SIRT3: variants seen among roughly 807,000 people sequenced by gnomAD.
SIRT3 encodes the protein NAD-dependent protein deacetylase sirtuin-3, mitochondrial.
A neutral mutation model predicts 33.5 loss-of-function variants in SIRT3; 26 were observed. The observed-to-expected ratio is 0.78, with a 90% confidence interval of 0.57 to 1.08. The LOEUF is 1.08. Among genes scored for constraint, SIRT3 ranks in the 50% least tolerant of loss-of-function variants. The pLI is 0.00. For missense variants in SIRT3, 585 were observed against 530.1 expected (o/e 1.10, Z -1.02); for synonymous variants, 237 against 222.1 (o/e 1.07, Z -0.60).
At chr11:233,287 G>A (rs770093485) in intron 2 of SIRT3, 56 bp downstream of exon 2, 55 of 1,600,146 alleles carry the variant, frequency 3.4e-5, no homozygotes, top group Admixed American at 1.4e-4. Flanking sequence ...GGGCAGTGGG[G>A]AGGGCAGGAG....
chr11:232,210 T>G (rs546244957), intron 3 of SIRT3, among the ~76,000 whole-genome samples: 1 of 152,106 alleles, frequency 6.6e-6, no homozygotes, highest in African/African-American at 2.4e-5. Context: ...CTCCGCCTGC[T>G]GGGTTCAAGA....
At chr11:232,244 A>C (rs1238551514) in intron 3 of SIRT3, among the ~76,000 whole-genome samples, 3 of 151,934 alleles carry the variant, frequency 2.0e-5, no homozygotes, top group Admixed American at 2.0e-4. Flanking sequence ...CAGCCTCCCG[A>C]GTACCTGGGA....
intron 6 of SIRT3, among the ~76,000 whole-genome samples, chr11:217,713 C>A (rs1855852519): frequency 6.6e-6 from 1 of 152,246 alleles, no homozygotes; most frequent in Non-Finnish European, 1.5e-5. Flanking sequence ...CATGAGGCAG[C>A]CACAGCTGTG....
intron 4 of SIRT3, among the ~76,000 whole-genome samples, chr11:229,010 AGTG>A (rs1234148762): frequency 1.3e-5 from 2 of 152,264 alleles, no homozygotes; most frequent in African/African-American, 4.8e-5. Context: ...TCAGTGCTAC[AGTG>A]GGTTACCACC....
At chr11:231,305 G>A (rs11602248) in intron 3 of SIRT3, among the ~76,000 whole-genome samples, 24,152 of 151,952 alleles carry the variant, frequency 0.16, 2,448 homozygotes, top group Non-Finnish European at 0.22. Context: ...GCATGGTAGT[G>A]CATGCCCGTA....
rs749937002 is a variant in SIRT3 at position 236,151 on chromosome 11, G to A, written c.178C>T (p.Pro60Ser). 1.3e-6 allele frequency: 2 copies of A among 1,569,728 alleles called. No homozygotes were observed. The highest frequency in any genetic ancestry group is 1.8e-5 in the Admixed American group (1 of 54,070). Reference sequence around the variant, plus strand: ...TGCAAGGGGCGCGCCGGGTCCAAGGGCTCACCGCGGGCCCCATGGCTGCCT... The same window carrying A: ...TGCAAGGGGCGCGCCGGGTCCAAGGACTCACCGCGGGCCCCATGGCTGCCT... ...LRGSHGARGE[P>S]LDPARPLQRP... The change falls in exon 1 of 7, where the codon CCC becomes TCC. Residue 60 changes from proline (P) to serine (S), a missense_variant. Pro to Ser is a moderately conservative substitution (Grantham distance 74). Coordinates refer to ENST00000382743, the MANE Select transcript of SIRT3 (RefSeq NM_012239.6).
upstream of SIRT3, chr11:236,399 A>AC: frequency 5.4e-6 from 1 of 183,954 alleles, no homozygotes; most frequent in Admixed American, 3.8e-4. Flanking sequence ...TCCGCCTCCC[A>AC]CCCCCGCCCC....
At chr11:231,520 A>G (rs1858008668) in intron 3 of SIRT3, among the ~76,000 whole-genome samples, 1 of 152,252 alleles carries the variant, frequency 6.6e-6, no homozygotes, top group South Asian at 2.1e-4. Flanking sequence ...CATAAATTCC[A>G]AAAGAATTGC....
Position 236,115 on chromosome 11 carries a change from T to C in SIRT3, c.214A>G (p.Arg72Gly). The C allele has an allele frequency of 6.3e-7, 1 of 1,581,742 alleles. No individual in the cohort carries two copies. ...DPARPLQRPPRPEVPRAFRRQ... is the reference protein window; with the variant it reads ...DPARPLQRPPGPEVPRAFRRQ... Reference sequence around the variant, plus strand: ...CGGAATGCCCTGGGCACCTCGGGTCTGGGAGGCCTCTGCAAGGGGCGCGCC... The same window carrying C: ...CGGAATGCCCTGGGCACCTCGGGTCCGGGAGGCCTCTGCAAGGGGCGCGCC... Residue 72 changes from arginine to glycine, a missense_variant, in exon 1 of 7, where the codon AGA (arginine) becomes GGA (glycine). Coordinates refer to ENST00000382743, the MANE Select transcript of SIRT3 (RefSeq NM_012239.6).
intron 3 of SIRT3, 116 bp from the exon 4 acceptor site, chr11:230,668 T>C (rs1357511408): frequency 5.5e-6 from 3 of 547,076 alleles, no homozygotes; most frequent in East Asian, 3.3e-5. Flanking sequence ...CCCCTTGGGG[T>C]TGTGATGTCC....
chr11:219,367 T>C (rs1168442177), intron 5 of SIRT3, among the ~76,000 whole-genome samples: 1 of 152,086 alleles, frequency 6.6e-6, no homozygotes, highest in East Asian at 1.9e-4. Context: ...GTTCTCCCTG[T>C]CCTCCCCACC....
chr11:233,644 A>G lies in SIRT3; in HGVS notation c.282-110T>C, dbSNP rs998541373. On this transcript the variant is annotated intron_variant, in intron 1 of 6. Transcript: ENST00000382743. ...ACCACCGCCACCCTCGAGAATGAGC[A>G]TGTGTGTCTCCCCAGGCCTCTCAAA... 3 of 977,682 alleles carry G rather than the reference A, an allele frequency of 3.1e-6. No individual in the cohort carries two copies. In the African/African-American group the frequency reaches 4.8e-5, roughly 16 times the overall value. The allele number at this position is 977,682 out of a possible 1,614,324, so 60.6% of individuals were successfully genotyped here.
At position 233,086 on chromosome 11, in the gene SIRT3, A is replaced by G. The variant is rs747478126; in HGVS notation, c.603T>C (p.Pro201=). ...GAGTGACGTTGGGCTTGTAGTTTCC[A>G]GGGTACAGCTCCTTGGCCAAAGTGA... ...PFFTLAKELY[P]GNYKPNVTHY... Residue 201 remains proline (P), a synonymous_variant, in exon 3 of 7, where the codon CCT becomes CCC. Transcript: ENST00000382743. 4 of 1,614,074 alleles carry G rather than the reference A, an allele frequency of 2.5e-6. No homozygotes were observed. Among genetic ancestry groups the G allele is most frequent in the Admixed American group, 1.7e-5 (1 of 60,002 alleles).
At chr11:235,415 C>T (rs1425765056) in intron 1 of SIRT3, among the ~76,000 whole-genome samples, 4 of 152,162 alleles carry the variant, frequency 2.6e-5, no homozygotes, top group Admixed American at 6.5e-5. Flanking sequence ...TTATGTTGCC[C>T]AGGCTGCTCT....
At chr11:224,283 C>T (rs1856859047) in intron 4 of SIRT3, 44 bp from the exon 5 acceptor site, 8 of 1,586,684 alleles carry the variant, frequency 5.0e-6, no homozygotes, top group Admixed American at 1.8e-5. Context: ...GCCTGCAACA[C>T]CCTGTAAAAG....
At position 223,758 on chromosome 11, in the gene SIRT3, C is replaced by G. The variant is rs748999176; in HGVS notation, c.969+320G>C. 2 of 988,016 alleles carry G rather than the reference C, an allele frequency of 2.0e-6. No individual in the cohort carries two copies. Among genetic ancestry groups the G allele is most frequent in the South Asian group, 2.6e-5 (2 of 75,980 alleles). The allele number at this position is 988,016 out of a possible 1,614,324, so 61.2% of individuals were successfully genotyped here. A position where few individuals can be genotyped will look rare whatever the true frequency, so the allele number is the denominator to read the frequency against. On this transcript the variant is annotated intron_variant, in intron 5 of 6. Transcript: ENST00000382743. This position sits in a 1 kb window ranked among gnomAD's most constrained non-coding sequence, Gnocchi z 4.8. Reference sequence around the variant, plus strand: ...TGGAACCCCAGCTGAATCCATTCACCTTCCCAAAGTGGCACCAGCCCTGGA... The same window carrying G: ...TGGAACCCCAGCTGAATCCATTCACGTTCCCAAAGTGGCACCAGCCCTGGA...
intron 1 of SIRT3, among the ~76,000 whole-genome samples, chr11:235,299 G>A (rs569777244): frequency 4.6e-5 from 7 of 152,132 alleles, no homozygotes; most frequent in South Asian, 2.1e-4. Flanking sequence ...TTGAACTCCT[G>A]GACTCAAGGG....
At chr11:225,195 C>T (rs1856999820) in intron 4 of SIRT3, among the ~76,000 whole-genome samples, 1 of 151,992 alleles carries the variant, frequency 6.6e-6, no homozygotes, top group African/African-American at 2.4e-5. Flanking sequence ...GGGCAGATCA[C>T]GAGGTCAGGA....
chr11:234,013 A>G (rs1216584171), intron 1 of SIRT3: 1 of 154,248 alleles, frequency 6.5e-6, no homozygotes, highest in Non-Finnish European at 1.4e-5. Flanking sequence ...AACTGTTAAG[A>G]GAAGCACAAA....
Sources: allele counts gnomAD v4.1 joint callset (sites outside exome capture counted in the v4.1 genomes callset), GRCh38; gene constraint gnomAD v4.1.1; non-coding constraint Gnocchi (gnomAD v3.1); transcripts MANE v1.5; gene names NCBI Gene and HGNC (gene_info 2026-07-23, HGNC 2026-07-21).